CSGALNACT2: variants seen among roughly 807,000 people sequenced by gnomAD.
CSGALNACT2 encodes beta 4 GalNAcT-2.
CSGALNACT2 carries 35 observed loss-of-function variants against 55.3 expected under a neutral mutation model. That is an observed-to-expected ratio of 0.63 (90% CI 0.48 to 0.84). The LOEUF (loss-of-function observed/expected upper bound fraction) is 0.84, where lower values mean the gene tolerates loss of function less well. CSGALNACT2 is among the 40% of genes least tolerant of loss of function. The pLI is 0.00. For synonymous variants in CSGALNACT2, 196 were observed against 224.9 expected, an observed-to-expected ratio of 0.87 and a Z score of 1.15; for missense variants, 544 against 657.5, an observed-to-expected ratio of 0.83 and a Z score of 1.89.
intron 2 of CSGALNACT2, among the ~76,000 whole-genome samples, chr10:43,156,216 A>G (rs947376256): frequency 6.6e-6 from 1 of 152,112 alleles, no homozygotes; most frequent in African/African-American, 2.4e-5. Flanking sequence ...AAATTAGTAG[A>G]CTCTTAGCTA....
At chr10:43,171,285 A>G (rs1445129779) in intron 6 of CSGALNACT2, among the ~76,000 whole-genome samples, 1 of 152,216 alleles carries the variant, frequency 6.6e-6, no homozygotes, top group Non-Finnish European at 1.5e-5. Context: ...ATTAAAATTA[A>G]TTAAAACAAA....
chr10:43,140,934 A>G lies in CSGALNACT2; in HGVS notation c.-254+2367A>G, dbSNP rs916710350. On this transcript the variant is annotated intron_variant, in intron 1 of 7. Coordinates refer to ENST00000374466, the MANE Select transcript of CSGALNACT2 (RefSeq NM_018590.5). ...AAGCTTCAGACCAAACAAATACAGA[A>G]CTAGGCACTGAAGCAGTGGAGCTAA... Among the ~76,000 whole-genome samples, 10 of 152,348 alleles carry G rather than the reference A, an allele frequency of 6.6e-5. 1 individual carries two copies. The highest frequency in any genetic ancestry group is 2.4e-4 in the African/African-American group (10 of 41,580).
chr10:43,166,839 A>G (rs957707214), intron 5 of CSGALNACT2, among the ~76,000 whole-genome samples, 165 bp from the exon 6 acceptor site: 20 of 152,250 alleles, frequency 1.3e-4, no homozygotes, highest in African/African-American at 4.8e-4. Context: ...ATATGTTACA[A>G]AATCATCATA....
At chr10:43,159,433 G>A (rs1031267462) in intron 3 of CSGALNACT2, among the ~76,000 whole-genome samples, 8 of 151,920 alleles carry the variant, frequency 5.3e-5, no homozygotes, top group South Asian at 2.1e-4. Flanking sequence ...CAAGTAGCTG[G>A]GACCACAGGT....
chr10:43,176,412 C>T (rs1443668077), intron 7 of CSGALNACT2, among the ~76,000 whole-genome samples: 1 of 151,646 alleles, frequency 6.6e-6, no homozygotes, highest in Non-Finnish European at 1.5e-5. Context: ...AGACCAAGGA[C>T]TTTCACATTT....
chr10:43,182,490 T>G (rs1355110583), intron 7 of CSGALNACT2, among the ~76,000 whole-genome samples: 1 of 152,222 alleles, frequency 6.6e-6, no homozygotes, highest in Non-Finnish European at 1.5e-5. Context: ...AAATAATCTA[T>G]GGACCCATTC....
At chr10:43,156,338 T>G (rs1470079533) in intron 2 of CSGALNACT2, among the ~76,000 whole-genome samples, 3 of 152,208 alleles carry the variant, frequency 2.0e-5, no homozygotes, top group Non-Finnish European at 2.9e-5. Flanking sequence ...TCCTAATACA[T>G]ATTTCAGAAA....
chr10:43,170,247 T>C (rs545479580), intron 6 of CSGALNACT2, among the ~76,000 whole-genome samples: 1 of 152,318 alleles, frequency 6.6e-6, no homozygotes, highest in Non-Finnish European at 1.5e-5. Flanking sequence ...AGTGACACCC[T>C]AACAGTAACA....
intron 2 of CSGALNACT2, among the ~76,000 whole-genome samples, chr10:43,157,251 C>T (rs966989354): frequency 2.0e-5 from 3 of 152,176 alleles, no homozygotes; most frequent in Admixed American, 6.6e-5. Flanking sequence ...TCAGCTCTAC[C>T]TAAAAAGAAA....
At chr10:43,156,099 A>G (rs2133113372) in intron 2 of CSGALNACT2, among the ~76,000 whole-genome samples, 1 of 152,340 alleles carries the variant, frequency 6.6e-6, no homozygotes, top group Admixed American at 6.5e-5. Context: ...TTGCATGTGT[A>G]TGATTTATAT....
At position 43,162,033 on chromosome 10, in the gene CSGALNACT2, T is replaced by G. The variant is rs78388409; in HGVS notation, c.980+1438T>G. 8.4e-3 allele frequency among the ~76,000 whole-genome samples: 1,277 copies of G among 152,246 alleles called. 53 individuals are homozygous for G. The East Asian group carries it at 0.096, about 11-fold the overall frequency. On this transcript the variant is annotated intron_variant, in intron 4 of 7. Coordinates refer to ENST00000374466, the MANE Select transcript of CSGALNACT2 (RefSeq NM_018590.5). ...GGAAAATAGGAGCAGTATTGAAGAA[T>G]CTCGGATACCTCCCAGAAATAAAGG...
chr10:43,140,800 C>A (rs982777600), intron 1 of CSGALNACT2, among the ~76,000 whole-genome samples: 2 of 152,172 alleles, frequency 1.3e-5, no homozygotes, highest in East Asian at 3.8e-4. Flanking sequence ...GAATTCACAG[C>A]AGGAGTACAG....
chr10:43,157,748 C>A (rs1035633969), intron 2 of CSGALNACT2, among the ~76,000 whole-genome samples: 1 of 152,022 alleles, frequency 6.6e-6, no homozygotes, highest in East Asian at 1.9e-4. Flanking sequence ...AATCAGATTG[C>A]CACTGGGCGC....
intron 1 of CSGALNACT2, among the ~76,000 whole-genome samples, chr10:43,146,943 T>C (rs1278058572): frequency 1.3e-5 from 2 of 150,844 alleles, no homozygotes; most frequent in African/African-American, 4.9e-5. Context: ...ATTTCCCTAA[T>C]GACTAACAAT....
intron 6 of CSGALNACT2, among the ~76,000 whole-genome samples, chr10:43,172,289 G>A (rs185182167): frequency 6.8e-4 from 103 of 152,028 alleles, no homozygotes; most frequent in African/African-American, 2.3e-3. Flanking sequence ...TGTAAATACA[G>A]CCGTGTAAAT....
intron 6 of CSGALNACT2, among the ~76,000 whole-genome samples, chr10:43,167,559 G>GT (rs1171730844): frequency 1.3e-5 from 2 of 152,098 alleles, no homozygotes; most frequent in African/African-American, 4.8e-5. Flanking sequence ...TTTTATGTAA[G>GT]TTTTTTAAAA....
chr10:43,170,634 TCTTC>T (rs755532438), intron 6 of CSGALNACT2, among the ~76,000 whole-genome samples: 127 of 152,342 alleles, frequency 8.3e-4, no homozygotes, highest in Non-Finnish European at 1.6e-3. Context: ...AAAAGTTAAG[TCTTC>T]CTTACAGAAT....
intron 4 of CSGALNACT2, among the ~76,000 whole-genome samples, chr10:43,161,409 T>C (rs957839403): frequency 1.3e-5 from 2 of 152,242 alleles, no homozygotes; most frequent in Admixed American, 1.3e-4. Context: ...CAGCTCTATA[T>C]CCTTTACTTG....
chr10:43,155,254 C>T lies in CSGALNACT2; in HGVS notation c.105C>T (p.Ala35=). The change falls in exon 2 of 8, where the codon GCC becomes GCT. Residue 35 remains alanine (A), a synonymous_variant. Transcript: ENST00000374466. ...LVLFMYLLEC[A]PQTDGNASLP... is the part of the protein sequence containing the mutation. Reference sequence around the variant, plus strand: ...TATTTATGTACCTCCTGGAATGTGCCCCCCAGACTGATGGAAATGCATCTC... The same window carrying T: ...TATTTATGTACCTCCTGGAATGTGCTCCCCAGACTGATGGAAATGCATCTC... 6.2e-7 allele frequency: 1 copy of T among 1,613,978 alleles called. No homozygotes were observed. Among genetic ancestry groups the T allele is most frequent in the Non-Finnish European group, 8.5e-7 (1 of 1,179,996 alleles).
Sources: gnomAD v4.1 joint callset for allele counts (sites outside exome capture counted in the v4.1 genomes callset) on GRCh38, gnomAD v4.1.1 for gene constraint, MANE v1.5 for transcripts, NCBI Gene and HGNC (gene_info 2026-07-23, HGNC 2026-07-21) for gene names.